SYTL5: variants seen among roughly 807,000 people sequenced by gnomAD.
SYTL5 encodes synaptotagmin-like protein 5.
Under a neutral mutation model 55.9 loss-of-function variants are expected in SYTL5, and 34 were observed. The observed-to-expected ratio is 0.61, with a 90% CI of 0.46 to 0.81. The LOEUF is 0.81. Among genes scored for constraint, SYTL5 ranks in the 30% least tolerant of loss-of-function variants. SYTL5 has a pLI of 0.00. For missense variants in SYTL5, 637 were observed against 546.7 expected (o/e 1.17, Z -1.65); for synonymous variants, 221 against 188.7 (o/e 1.17, Z -1.40).
intron 1 of SYTL5, among the ~76,000 whole-genome samples, chrX:38,021,670 A>G (rs773890161): frequency 9.8e-5 from 11 of 112,341 alleles, no homozygotes; most frequent in Admixed American, 3.8e-4. Context: ...GGGTAGGGCT[A>G]AGTGACCATC....
chrX:38,019,653 A>C (rs1483591002), intron 1 of SYTL5, among the ~76,000 whole-genome samples: 2 of 111,305 alleles, frequency 1.8e-5, no homozygotes, highest in Non-Finnish European at 3.8e-5. Context: ...TGTTTGAGAC[A>C]AAGTCTCACT....
the SYTL5 span, among the ~76,000 whole-genome samples, chrX:37,937,671 C>G: frequency 8.9e-6 from 1 of 112,147 alleles, no homozygotes; most frequent in Non-Finnish European, 1.9e-5. Flanking sequence ...TTCTTACAAA[C>G]TGCTTAGTTT....
intron 9 of SYTL5, among the ~76,000 whole-genome samples, chrX:38,098,279 T>C (rs997684725): frequency 9.0e-6 from 1 of 111,550 alleles, no homozygotes; most frequent in Admixed American, 9.5e-5. Context: ...TGGAAAAGTA[T>C]TTTCAAATTA....
intron 1 of SYTL5, among the ~76,000 whole-genome samples, chrX:38,030,668 A>T (rs1033299578): frequency 8.9e-5 from 10 of 111,812 alleles, no homozygotes; most frequent in African/African-American, 3.3e-4. Flanking sequence ...AGTCACACAG[A>T]TATCAAACTA....
At chrX:38,034,466 G>T (rs1935045832) in intron 2 of SYTL5, among the ~76,000 whole-genome samples, 1 of 112,359 alleles carries the variant, frequency 8.9e-6, no homozygotes, top group African/African-American at 3.2e-5. Flanking sequence ...TTCAATAAAT[G>T]TTAGCTATTA....
the SYTL5 span, among the ~76,000 whole-genome samples, chrX:37,928,376 T>C: frequency 7.1e-5 from 8 of 111,996 alleles, no homozygotes; most frequent in Non-Finnish European, 1.3e-4. Flanking sequence ...AGCAAGCTAC[T>C]GCTTTGTGAG....
At chrX:38,017,016 TTA>T (rs985526982) in intron 1 of SYTL5, among the ~76,000 whole-genome samples, 5 of 112,184 alleles carry the variant, frequency 4.5e-5, no homozygotes, top group Admixed American at 1.9e-4. Context: ...TATTTTTTCC[TTA>T]TGTCTTAGTC....
In SYTL5 at chrX:38,069,930, A is replaced by G. The variant is rs761231911; in HGVS notation, c.330-2117A>G. Among the ~76,000 whole-genome samples the G allele has an allele frequency of 2.7e-5, 3 of 112,177 alleles. No homozygotes were observed. The Admixed American group carries it at 2.8e-4, about 11-fold the overall frequency. On this transcript the variant is annotated intron_variant, in intron 3 of 16. Coordinates refer to ENST00000297875, the MANE Select transcript of SYTL5 (RefSeq NM_138780.3). ...TTCAAGCTTTTGGTTTTGGTAGGTT[A>G]TATCTTAGATTTGACCGTATTCCAT...
At chrX:37,912,619 G>A in the SYTL5 span, among the ~76,000 whole-genome samples, 1 of 112,128 alleles carries the variant, frequency 8.9e-6, no homozygotes, top group African/African-American at 3.2e-5. Context: ...AGGCCCTGAT[G>A]CTGATGACTC....
the SYTL5 span, among the ~76,000 whole-genome samples, chrX:37,913,829 G>A: frequency 3.6e-5 from 4 of 111,932 alleles, no homozygotes; most frequent in African/African-American, 1.3e-4. Flanking sequence ...ATACACTCCC[G>A]TATTGGTTTT....
At chrX:37,975,783 G>C in the SYTL5 span, among the ~76,000 whole-genome samples, 6 of 112,182 alleles carry the variant, frequency 5.3e-5, no homozygotes, top group African/African-American at 1.9e-4. Flanking sequence ...CTCTTAAGCT[G>C]GTTCTCTTTC....
chrX:38,011,782 A>C (rs1486742451), intron 1 of SYTL5, among the ~76,000 whole-genome samples: 1 of 111,576 alleles, frequency 9.0e-6, no homozygotes, highest in African/African-American at 3.3e-5. Context: ...CTATTTCAAA[A>C]GTTCAGGCTC....
chrX:38,119,527 T>C (rs941172615), intron 13 of SYTL5, among the ~76,000 whole-genome samples: 2 of 112,830 alleles, frequency 1.8e-5, no homozygotes, highest in Non-Finnish European at 3.7e-5. Flanking sequence ...CCATTTTTAT[T>C]AATGGATAGT....
chrX:37,995,650 G>A, the SYTL5 span, among the ~76,000 whole-genome samples: 25 of 112,007 alleles, frequency 2.2e-4, no homozygotes, highest in East Asian at 5.6e-4. Flanking sequence ...TGACAACAGC[G>A]CCCTCTCCAC....
intron 15 of SYTL5, among the ~76,000 whole-genome samples, chrX:38,122,904 T>C (rs1439291206): frequency 3.6e-5 from 4 of 112,645 alleles, no homozygotes; most frequent in Non-Finnish European, 7.5e-5. Flanking sequence ...AAAATGCACA[T>C]GTGCCAAGCA....
chrX:38,032,363 A>T (rs12387114), intron 1 of SYTL5, among the ~76,000 whole-genome samples: 26,197 of 111,124 alleles, frequency 0.24, 2,792 homozygotes, highest in Non-Finnish European at 0.33. Flanking sequence ...GAATGTGCTC[A>T]AGAGTTAGGA....
chrX:37,893,227 A>G, the SYTL5 span, among the ~76,000 whole-genome samples: 2 of 75,025 alleles, frequency 2.7e-5, no homozygotes, highest in African/African-American at 9.1e-5. Flanking sequence ...TATATAACAT[A>G]CCACAATCTA....
At chrX:37,890,462 A>G in the SYTL5 span, among the ~76,000 whole-genome samples, 4 of 111,947 alleles carry the variant, frequency 3.6e-5, no homozygotes, top group Admixed American at 3.8e-4. Context: ...TGGTCTGGCA[A>G]TAATATCCAG....
the SYTL5 span, among the ~76,000 whole-genome samples, chrX:37,951,352 A>G: frequency 2.1e-3 from 240 of 111,855 alleles, 1 homozygote; most frequent in African/African-American, 7.4e-3. Context: ...AGAAAATATC[A>G]AAAGCATTTT....
Sources: allele counts gnomAD v4.1 joint callset (sites outside exome capture counted in the v4.1 genomes callset), GRCh38; gene constraint gnomAD v4.1.1; transcripts MANE v1.5; gene names NCBI Gene and HGNC (gene_info 2026-07-23, HGNC 2026-07-21).